Variants in LRRTM4 observed in about 807,000 individuals in gnomAD.
The protein encoded by LRRTM4 is leucine-rich repeat transmembrane neuronal protein 4.
LRRTM4 carries 25 observed loss-of-function variants against 47.6 expected under a neutral mutation model. The observed-to-expected ratio is 0.53, with a 90% CI of 0.38 to 0.73. The LOEUF (loss-of-function observed/expected upper bound fraction) is 0.73. LRRTM4 is among the 30% of genes least tolerant of loss of function. The pLI is 0.00. For synonymous variants in LRRTM4, 311 were observed against 269.5 expected, an observed-to-expected ratio of 1.15 and a Z score of -1.51; for missense variants, 638 against 713.4, an observed-to-expected ratio of 0.89 and a Z score of 1.20.
At position 77,063,918 on chromosome 2, in the gene LRRTM4, A is replaced by C. The variant is rs375052491; in HGVS notation, c.1552-315002T>G. Among the ~76,000 whole-genome samples the C allele has an allele frequency of 1.2e-4, 18 of 150,402 alleles. No homozygotes were observed. The East Asian group carries it at 2.7e-3, about 23-fold the overall frequency. ...AAAATAAAGATGACTAATGGCCTAG[A>C]TTTTTTTTTTGGAAGGAGACTAAGG... On this transcript the variant is annotated intron_variant, in intron 3 of 3. Transcript: ENST00000409884.
At chr2:77,290,848 G>C (rs953272113) in intron 3 of LRRTM4, among the ~76,000 whole-genome samples, 1 of 151,868 alleles carries the variant, frequency 6.6e-6, no homozygotes, top group Non-Finnish European at 1.5e-5. Flanking sequence ...GATTATTTTA[G>C]AGTTCTTAGA....
At chr2:77,427,891 A>C (rs753859489) in intron 3 of LRRTM4, among the ~76,000 whole-genome samples, 1 of 152,186 alleles carries the variant, frequency 6.6e-6, no homozygotes, top group Non-Finnish European at 1.5e-5. Context: ...TTTCCCATTT[A>C]CCAACTGATA....
intron 3 of LRRTM4, among the ~76,000 whole-genome samples, chr2:76,841,555 T>A (rs906516641): frequency 1.3e-5 from 2 of 151,848 alleles, no homozygotes; most frequent in African/African-American, 4.8e-5. Context: ...ATAAAATACT[T>A]CTAAATCCTT....
intron 3 of LRRTM4, among the ~76,000 whole-genome samples, chr2:76,911,268 C>A (rs1334805445): frequency 1.3e-5 from 2 of 152,140 alleles, no homozygotes; most frequent in African/African-American, 4.8e-5. Flanking sequence ...AAGATGCTAA[C>A]CTCATCCCAT....
intron 3 of LRRTM4, among the ~76,000 whole-genome samples, chr2:76,807,467 T>TACAC (rs1301316505): frequency 3.4e-5 from 3 of 89,400 alleles, no homozygotes; most frequent in African/African-American, 1.7e-4. Context: ...TACATATATA[T>TACAC]ATACATATAT....
intron 3 of LRRTM4, among the ~76,000 whole-genome samples, chr2:77,210,388 C>G (rs1289822626): frequency 2.6e-5 from 4 of 152,226 alleles, no homozygotes; most frequent in African/African-American, 9.6e-5. Flanking sequence ...GAATAAAATC[C>G]TTTAAAATAA....
intron 3 of LRRTM4, among the ~76,000 whole-genome samples, chr2:77,122,934 G>A (rs1370522653): frequency 4.0e-5 from 6 of 151,746 alleles, no homozygotes; most frequent in African/African-American, 1.5e-4. Flanking sequence ...TTTAGGACAC[G>A]TCAAGTTTTA....
chr2:77,466,323 G>T (rs1188274728), intron 3 of LRRTM4, among the ~76,000 whole-genome samples: 1 of 152,058 alleles, frequency 6.6e-6, no homozygotes, highest in Non-Finnish European at 1.5e-5. Flanking sequence ...AATCGATCTT[G>T]GTTACCACTA....
chr2:77,390,817 T>C (rs1673475359), intron 3 of LRRTM4, among the ~76,000 whole-genome samples: 2 of 151,846 alleles, frequency 1.3e-5, no homozygotes, highest in Admixed American at 1.3e-4. Flanking sequence ...ACATTTTTGA[T>C]GAAAATATAT....
intron 3 of LRRTM4, among the ~76,000 whole-genome samples, chr2:77,431,075 A>C (rs1296772789): frequency 6.7e-6 from 1 of 148,774 alleles, no homozygotes; most frequent in Non-Finnish European, 1.5e-5. Flanking sequence ...TAGGACTGAG[A>C]GTCGCAACAT....
chr2:77,389,759 T>C (rs1225761746), intron 3 of LRRTM4, among the ~76,000 whole-genome samples: 1 of 152,052 alleles, frequency 6.6e-6, no homozygotes, highest in Non-Finnish European at 1.5e-5. Context: ...CAGGAAAAGT[T>C]AATATAATAG....
intron 3 of LRRTM4, among the ~76,000 whole-genome samples, chr2:76,874,477 G>T (rs960400158): frequency 6.6e-6 from 1 of 151,962 alleles, no homozygotes; most frequent in Non-Finnish European, 1.5e-5. Flanking sequence ...AATAACTGGG[G>T]TGAATGAGTG....
At chr2:77,348,921 T>C (rs1161939390) in intron 3 of LRRTM4, among the ~76,000 whole-genome samples, 2 of 151,894 alleles carry the variant, frequency 1.3e-5, no homozygotes, top group African/African-American at 4.8e-5. Context: ...TTTGATAAAG[T>C]ATAGCAGCCA....
chr2:77,169,014 A>G (rs1354057295), intron 3 of LRRTM4, among the ~76,000 whole-genome samples: 1 of 152,162 alleles, frequency 6.6e-6, no homozygotes, highest in African/African-American at 2.4e-5. Context: ...AAAGCATTTG[A>G]TATAATTCAA....
chr2:77,257,904 G>C (rs767663485), intron 3 of LRRTM4, among the ~76,000 whole-genome samples: 5 of 151,964 alleles, frequency 3.3e-5, no homozygotes, highest in Non-Finnish European at 5.9e-5. Flanking sequence ...AGACCAGCCT[G>C]ACCAACATGG....
chr2:77,049,118 TTTTTTATATA>T (rs1442135016), intron 3 of LRRTM4, among the ~76,000 whole-genome samples: 2 of 83,352 alleles, frequency 2.4e-5, no homozygotes, highest in African/African-American at 1.4e-4. Flanking sequence ...TAATATTTCA[TTTTTTATATA>T]TATATATATA....
At chr2:76,796,418 T>A (rs1675329729) in intron 3 of LRRTM4, among the ~76,000 whole-genome samples, 1 of 132,180 alleles carries the variant, frequency 7.6e-6, no homozygotes, top group South Asian at 2.6e-4. Flanking sequence ...AATGTCCCTG[T>A]CTGACAGCTT....
chr2:77,248,219 T>TACAAA (rs1219509707), intron 3 of LRRTM4, among the ~76,000 whole-genome samples: 1 of 151,602 alleles, frequency 6.6e-6, no homozygotes, highest in African/African-American at 2.4e-5. Context: ...ATTGTGTGTT[T>TACAAA]TATGTGAGTA....
At chr2:76,899,417 T>C (rs894549588) in intron 3 of LRRTM4, among the ~76,000 whole-genome samples, 2 of 151,256 alleles carry the variant, frequency 1.3e-5, no homozygotes, top group Non-Finnish European at 2.9e-5. Flanking sequence ...GGGCAAAAAG[T>C]GTTGGAGGTG....
Sources: allele counts gnomAD v4.1 joint callset (sites outside exome capture counted in the v4.1 genomes callset), GRCh38; gene constraint gnomAD v4.1.1; transcripts MANE v1.5; gene names NCBI Gene and HGNC (gene_info 2026-07-23, HGNC 2026-07-21).